The following WNK1 variants were observed in gnomAD, a reference collection of about 807,000 sequenced individuals.
WNK1 encodes the protein WNK lysine deficient protein kinase 1.
In WNK1, 38 loss-of-function variants were observed where a neutral mutation model predicts 222.8. The ratio of observed to expected loss-of-function variants is 0.17; its 90% CI spans 0.13 to 0.22. WNK1 has a LOEUF of 0.22. Among genes scored for constraint, WNK1 ranks in the 10% least tolerant of loss-of-function variants. The pLI is 1.00. For missense variants in WNK1, 2,348 were observed against 2,918.4 expected (o/e 0.80, Z 4.50); for synonymous variants, 1,090 against 1,092.9 (o/e 1.00, Z 0.05).
At chr12:763,185 C>T (rs1432037949) in intron 1 of WNK1, among the ~76,000 whole-genome samples, 1 of 147,390 alleles carries the variant, frequency 6.8e-6, no homozygotes, top group African/African-American at 2.4e-5. Context: ...GACTAAAGGA[C>T]GAGATGGGTG....
intron 2 of WNK1, among the ~76,000 whole-genome samples, chr12:825,365 G>A (rs1591875251): frequency 6.6e-6 from 1 of 152,228 alleles, no homozygotes; most frequent in Admixed American, 6.5e-5. Context: ...TTCATTTTAA[G>A]TAGTTGCCCT....
intron 1 of WNK1, among the ~76,000 whole-genome samples, chr12:777,264 G>A (rs1473529749): frequency 1.3e-5 from 2 of 151,310 alleles, no homozygotes; most frequent in East Asian, 3.9e-4. Flanking sequence ...CTGGGTTCAA[G>A]GAATTCTGCC....
At chr12:906,211 T>C in intron 26 of WNK1, 1 of 739,940 alleles carries the variant, frequency 1.4e-6, no homozygotes, top group Non-Finnish European at 1.7e-6. Context: ...TTATTTATTC[T>C]GTAACACGTG....
In WNK1 at chr12:896,455, C is replaced by T. The variant is rs577801497; in HGVS notation, c.5968C>T (p.Pro1990Ser). The stretch of plus-strand genomic sequence containing the variant: ...TATGGATTTGGAACAAGCTGTTCTT[C>T]CTGCTGTGATACCAAAGAAAGAGAA... ...PFMDLEQAVL[P>S]AVIPKKEKPE... Residue 1990 changes from proline (P) to serine (S), a missense_variant, in exon 24 of 28, where the codon CCT (proline) becomes TCT (serine). Physicochemically the swap from Pro to Ser is moderately conservative, Grantham distance 74. Around this residue, in one of 13 missense-constraint regions of WNK1, gnomAD observed 1,144 missense variants for 1,273.6 expected, o/e 0.90. Coordinates refer to ENST00000315939, the MANE Select transcript of WNK1 (RefSeq NM_018979.4). 4.5e-5 allele frequency: 72 copies of T among 1,613,916 alleles called. No individual in the cohort carries two copies. The East Asian group carries it at 1.5e-3, about 33-fold the overall frequency.
At chr12:830,292 G>C (rs1008310866) in intron 4 of WNK1, 132 bp downstream of exon 4, 5 of 1,019,280 alleles carry the variant, frequency 4.9e-6, no homozygotes, top group Non-Finnish European at 7.4e-6. Flanking sequence ...GGTTGGGGGG[G>C]TGGTGTTGAG....
At chr12:756,535 T>C (rs1940062709) in intron 1 of WNK1, among the ~76,000 whole-genome samples, 1 of 152,256 alleles carries the variant, frequency 6.6e-6, no homozygotes, top group South Asian at 2.1e-4. Flanking sequence ...TCCTAGCTTA[T>C]TAAGTGGTAC....
chr12:866,899 A>C (rs1951717927), intron 8 of WNK1, among the ~76,000 whole-genome samples: 1 of 152,054 alleles, frequency 6.6e-6, no homozygotes, highest in African/African-American at 2.4e-5. Context: ...CGAAGTGAGC[A>C]GATCACCTGA....
rs1434263395 is a variant in WNK1 at position 862,169 on chromosome 12, C to A, written c.2038C>A (p.Gln680Lys). Residue 680 changes from glutamine to lysine, a missense_variant, in exon 8 of 28, where the codon CAA becomes AAA. Transcript: ENST00000315939. The part of the protein sequence containing the change: ...SSQQTVSYGS[Q>K]HEQAHSTGTV... ...CCAACAGACAGTTTCATATGGTTCC[C>A]AACATGAACAGGCACATTCTACAGG... The A allele has an allele frequency of 6.2e-7, 1 of 1,614,062 alleles. No homozygotes were observed. The highest frequency in any genetic ancestry group is 2.2e-5 in the East Asian group (1 of 44,880).
At chr12:772,883 G>A (rs1942697316) in intron 1 of WNK1, among the ~76,000 whole-genome samples, 1 of 152,170 alleles carries the variant, frequency 6.6e-6, no homozygotes, top group African/African-American at 2.4e-5. Context: ...ATTATCAGTA[G>A]TTTGTTTTTA....
chr12:901,733 T>C, intron 26 of WNK1: 1 of 792,930 alleles, frequency 1.3e-6, no homozygotes, highest in Non-Finnish European at 1.8e-6. Flanking sequence ...CATTTTCATT[T>C]GTCTCTTTTT....
chr12:883,990 T>C, intron 17 of WNK1, 131 bp from the exon 18 acceptor site: 2 of 1,507,624 alleles, frequency 1.3e-6, no homozygotes, highest in Non-Finnish European at 1.8e-6. Flanking sequence ...ATCGCGCCAC[T>C]GCACTCCAGC....
At position 864,123 on chromosome 12, in the gene WNK1, T is replaced by TTTTTTTTC. The variant is rs71051398; in HGVS notation, c.2139+1857_2139+1858insTTTCTTTT. Among the ~76,000 whole-genome samples, 46 of 147,302 alleles carry TTTTTTTTC rather than the reference T, an allele frequency of 3.1e-4. 2 individuals carry two copies. Among genetic ancestry groups the TTTTTTTTC allele is most frequent in the African/African-American group, 7.2e-4 (29 of 40,554 alleles). ...ACATTTTTTTAAGTTTTTTTTTTTTTTTTTGACAGCGTCTCACTCTGTCTC... is the reference window on the plus strand; with the variant it reads ...ACATTTTTTTAAGTTTTTTTTTTTTTTTTTTTTCTTTTGACAGCGTCTCACTCTGTCTC... On this transcript the variant is annotated intron_variant, in intron 8 of 27. Coordinates refer to ENST00000315939, the MANE Select transcript of WNK1 (RefSeq NM_018979.4).
At chr12:837,362 C>T (rs1386117554) in intron 4 of WNK1, among the ~76,000 whole-genome samples, 1 of 151,972 alleles carries the variant, frequency 6.6e-6, no homozygotes, top group African/African-American at 2.4e-5. Flanking sequence ...TTACCTGAGG[C>T]CAGGAGTTTG....
chr12:900,854 C>G, intron 26 of WNK1, 184 bp downstream of exon 26: 1 of 744,652 alleles, frequency 1.3e-6, no homozygotes, highest in South Asian at 1.5e-5. Flanking sequence ...CTCACTGCTC[C>G]CATTAGGTGA....
At chr12:826,209 G>A (rs1328037721) in intron 2 of WNK1, among the ~76,000 whole-genome samples, 2 of 152,226 alleles carry the variant, frequency 1.3e-5, no homozygotes, top group African/African-American at 4.8e-5. Context: ...TTTGCCTCAT[G>A]TGGCTGTTCA....
chr12:822,811 A>G (rs541204938), intron 2 of WNK1, among the ~76,000 whole-genome samples: 76 of 152,344 alleles, frequency 5.0e-4, no homozygotes, highest in Non-Finnish European at 8.7e-4. Flanking sequence ...AAATACATTA[A>G]TACTGGTTTT....
chr12:893,847 T>TAATAATAATAATAATAATAATAA (rs1555156464), intron 22 of WNK1, among the ~76,000 whole-genome samples: 6 of 149,972 alleles, frequency 4.0e-5, no homozygotes, highest in Non-Finnish European at 5.9e-5. Context: ...ATAATAATAA[T>TAATAATAATAATAATAATAATAA]TCTGAGAACT....
In WNK1 at chr12:885,539, A is replaced by T. The variant is rs552650352; in HGVS notation, c.4735A>T (p.Thr1579Ser). The change falls in exon 19 of 28, where the codon ACT (threonine) becomes TCT (serine). Residue 1579 changes from threonine to serine, a missense_variant. Transcript: ENST00000315939. ...GGTCATTCCATCAGTGATAGCTTCT[A>T]CTCCTATTCTTCCCCAAGCAGCAGG... is the stretch of plus-strand genomic sequence containing the variant. The part of the protein sequence containing the change: ...PLVIPSVIAS[T>S]PILPQAAGPT... 6.2e-7 allele frequency: 1 copy of T among 1,613,442 alleles called. No individual in the cohort carries two copies. The highest frequency in any genetic ancestry group is 1.3e-5 in the African/African-American group (1 of 74,754).
At chr12:764,584 C>T (rs1941433431) in intron 1 of WNK1, among the ~76,000 whole-genome samples, 1 of 122,476 alleles carries the variant, frequency 8.2e-6, no homozygotes, top group Non-Finnish European at 1.7e-5. Flanking sequence ...TGTGGTGAGC[C>T]GAGATCACAG....
Sources: allele counts gnomAD v4.1 joint callset (sites outside exome capture counted in the v4.1 genomes callset), GRCh38; gene constraint gnomAD v4.1.1; regional missense constraint gnomAD v4.1.1; transcripts MANE v1.5; gene names NCBI Gene and HGNC (gene_info 2026-07-23, HGNC 2026-07-21).